The following PROC variants were observed in gnomAD, a reference collection of about 807,000 sequenced individuals.
PROC encodes the protein vitamin K-dependent protein C.
Under a neutral mutation model 36.3 loss-of-function variants are expected in PROC, and 22 were observed. The ratio of observed to expected loss-of-function variants is 0.61; its 90% CI spans 0.43 to 0.86. The LOEUF (loss-of-function observed/expected upper bound fraction) is 0.86, where lower values mean the gene tolerates loss of function less well. Among genes scored for constraint, PROC ranks in the 40% least tolerant of loss-of-function variants. The pLI, the probability that PROC is intolerant of heterozygous loss-of-function variation, is 0.00. For synonymous variants in PROC, 218 were observed against 244.5 expected (o/e 0.89, Z 1.01); for missense variants, 526 against 629.7 (o/e 0.84, Z 1.76).
In PROC at chr2:127,428,990, G is replaced by C; in HGVS notation, c.*44G>C. The C allele has an allele frequency of 6.3e-7, 1 of 1,598,014 alleles. No homozygotes were observed. The highest frequency in any genetic ancestry group is 1.7e-5 in the Admixed American group (1 of 59,968). ...TGGGCTTTTGCATGGCAATGGATGG[G>C]ACATTAAAGGGACATGTAACAAGCA... On this transcript the variant is annotated 3_prime_UTR_variant, in exon 9 of 9. Transcript: ENST00000234071.
chr2:127,425,029 A>G (rs1688392534), intron 6 of PROC, among the ~76,000 whole-genome samples: 1 of 152,212 alleles, frequency 6.6e-6, no homozygotes, highest in Non-Finnish European at 1.5e-5. Context: ...CGGGGCCTGA[A>G]GTCCCTAGTC....
rs1688068687 is a variant in PROC at position 127,421,183 on chromosome 2, T to C, written c.71-100T>C. 3 of 1,309,022 alleles carry C rather than the reference T, an allele frequency of 2.3e-6. No individual in the cohort carries two copies. In the Admixed American group the frequency reaches 5.3e-5, roughly 23 times the overall value. The allele number at this position is 1,309,022 out of a possible 1,614,324, so 81.1% of individuals were successfully genotyped here. A position where few individuals can be genotyped will look rare whatever the true frequency, so the allele number is the denominator to read the frequency against. ...GTCTTGAGGGGGCGGAGACAAGACCTTCCCAGGCTCTCCCAGCTCTGCTTC... is the reference window on the plus strand; with the variant it reads ...GTCTTGAGGGGGCGGAGACAAGACCCTCCCAGGCTCTCCCAGCTCTGCTTC... On this transcript the variant is annotated intron_variant, in intron 2 of 8. Transcript: ENST00000234071.
rs1156578125 is a variant in PROC at position 127,423,096 on chromosome 2, G to A, written c.325G>A (p.Gly109Ser). 1.9e-6 allele frequency: 3 copies of A among 1,611,134 alleles called. No homozygotes were observed. The highest frequency in any genetic ancestry group is 2.5e-6 in the Non-Finnish European group (3 of 1,179,028). ...HPCASLCCGH[G>S]TCIDGIGSFS... ...GTGCGCCAGCCTGTGCTGCGGGCAC[G>A]GCACGTGCATCGACGGCATCGGCAG... Residue 109 changes from glycine (G) to serine (S), a missense_variant, in exon 5 of 9, where the codon GGC becomes AGC. Transcript: ENST00000234071.
chr2:127,427,136 C>T lies in PROC; in HGVS notation c.710C>T (p.Ala237Val), dbSNP rs971849134. Reference sequence around the variant, plus strand: ...CTGCTGGACTCAAAGAAGAAGCTGGCCTGCGGGGCAGTGCTCATCCACCCC... The same window carrying T: ...CTGCTGGACTCAAAGAAGAAGCTGGTCTGCGGGGCAGTGCTCATCCACCCC... ...VVLLDSKKKL[A>V]CGAVLIHPSW... Residue 237 changes from alanine (A) to valine (V), a missense_variant, in exon 8 of 9, where the codon GCC becomes GTC. Physicochemically the swap from Ala to Val is moderately conservative, Grantham distance 64. Transcript: ENST00000234071. 3.7e-6 allele frequency: 6 copies of T among 1,613,914 alleles called. No individual in the cohort carries two copies. The highest frequency in any genetic ancestry group is 5.1e-6 in the Non-Finnish European group (6 of 1,179,992).
At chr2:127,421,030 C>T (rs756587995) in intron 2 of PROC, among the ~76,000 whole-genome samples, 8 of 152,162 alleles carry the variant, frequency 5.3e-5, no homozygotes, top group Non-Finnish European at 1.0e-4. Flanking sequence ...ACACAGAGAT[C>T]GGGGTGGGGT....
At chr2:127,420,184 G>T (rs569801215) in intron 2 of PROC, among the ~76,000 whole-genome samples, 172 bp downstream of exon 2, 29 of 152,222 alleles carry the variant, frequency 1.9e-4, no homozygotes, top group Non-Finnish European at 3.7e-4. Context: ...AGCTGCCAGA[G>T]TGCCACACAG....
intron 6 of PROC, among the ~76,000 whole-genome samples, chr2:127,425,757 T>C (rs1305978645): frequency 6.7e-6 from 1 of 149,304 alleles, no homozygotes; most frequent in Non-Finnish European, 1.5e-5. Flanking sequence ...GGGTTTGTAA[T>C]TTGTATCTCA....
In PROC at chr2:127,426,640, C is replaced by A; in HGVS notation, c.678+413C>A. On this transcript the variant is annotated intron_variant, in intron 7 of 8. Transcript: ENST00000234071. This position sits in a 1 kb window ranked among gnomAD's most constrained non-coding sequence, Gnocchi z 7.0. ...CTGCCAGGCATGGGGGAGATAGGAA[C>A]CAACAAGTGGGAGTATTTGCCCTGG... The A allele has an allele frequency of 3.0e-6, 1 of 332,244 alleles. No individual in the cohort carries two copies. Among genetic ancestry groups the A allele is most frequent in the Non-Finnish European group, 5.8e-6 (1 of 172,342 alleles). 20.6% of individuals were successfully genotyped at this position (332,244 alleles called of 1,614,324 possible).
At chr2:127,422,706 G>T (rs1486029127) in intron 3 of PROC, among the ~76,000 whole-genome samples, 1 of 149,978 alleles carries the variant, frequency 6.7e-6, no homozygotes, top group African/African-American at 2.4e-5. Context: ...AGGGACGTGG[G>T]ATGGAGGCTG....
At position 127,423,427 on chromosome 2, in the gene PROC, A is replaced by ATCGCCCAGGAATC. The variant is rs775959949; in HGVS notation, c.535+20_535+32dup. 6 of 1,545,286 alleles carry ATCGCCCAGGAATC rather than the reference A, an allele frequency of 3.9e-6. No homozygotes were observed. In the South Asian group the frequency reaches 7.2e-5, roughly 19 times the overall value. On this transcript the variant is annotated intron_variant, in intron 6 of 8. Transcript: ENST00000234071. ...CCCGCAGGTGAGAAGCCCCCAATAC[A>ATCGCCCAGGAATC]TCGCCCAGGAATCACGCTGGGTGCA...
chr2:127,428,935 TG>T lies in PROC; in HGVS notation c.1378del (p.Ala460HisfsTer45). The T allele has an allele frequency of 6.2e-7, 1 of 1,613,892 alleles. No homozygotes were observed. The highest frequency in any genetic ancestry group is 1.6e-4 in the Middle Eastern group (1 of 6,062). On this transcript the variant is annotated frameshift_variant, in exon 9 of 9. Coordinates refer to ENST00000234071, the MANE Select transcript of PROC (RefSeq NM_000312.4). LOFTEE classifies it high-confidence loss of function. ...AGACAAGGAAGCCCCCCAGAAGAGCTGGGCACCTTAGCGACCCTCCCTGCAG... is the reference window on the plus strand; with the variant it reads ...AGACAAGGAAGCCCCCCAGAAGAGCTGGCACCTTAGCGACCCTCCCTGCAG... Reference protein sequence around the residue: ...IRDKEAPQKSWAP With the variant: ...IRDKEAPQKSXAP
In PROC at chr2:127,426,969, A is replaced by G. The variant is rs948155542; in HGVS notation, c.679-136A>G. 2.6e-5 allele frequency: 21 copies of G among 805,832 alleles called. No individual in the cohort carries two copies. In the East Asian group the frequency reaches 2.7e-4, roughly 10 times the overall value. 49.9% of individuals were successfully genotyped at this position (805,832 alleles called of 1,614,324 possible). A position where few individuals can be genotyped will look rare whatever the true frequency, so the allele number is the denominator to read the frequency against. On this transcript the variant is annotated intron_variant, in intron 7 of 8. Transcript: ENST00000234071. This position sits in a 1 kb window ranked among gnomAD's most constrained non-coding sequence, Gnocchi z 7.0. ...CTGACACTGTAAAATGGGCAAAAAT[A>G]GAAAACGCCAGAAAGGGCCTAAGCC...
In PROC at chr2:127,423,338, G is replaced by A; in HGVS notation, c.465G>A (p.Val155=). ...GGCTHYCLEE[V]GWRRCSCAPG... ...GCACGCATTACTGCCTAGAGGAGGT[G>A]GGCTGGCGGCGCTGTAGCTGTGCGC... is the stretch of plus-strand genomic sequence containing the variant. The change falls in exon 6 of 9, where the codon GTG becomes GTA. Residue 155 remains valine, a synonymous_variant. Coordinates refer to ENST00000234071, the MANE Select transcript of PROC (RefSeq NM_000312.4). 1.3e-6 allele frequency: 2 copies of A among 1,550,388 alleles called. No homozygotes were observed. The highest frequency in any genetic ancestry group is 1.7e-6 in the Non-Finnish European group (2 of 1,147,162).
intron 6 of PROC, among the ~76,000 whole-genome samples, chr2:127,425,880 T>C (rs1276276260): frequency 6.6e-6 from 1 of 152,208 alleles, no homozygotes; most frequent in African/African-American, 2.4e-5. Flanking sequence ...TACCATTCAG[T>C]GGCACTGTTT....
rs1481591136 is a variant in PROC, at chr2:127,418,858, G to A, written c.-22+366G>A. ...CGGCAAGAATGGAGAGCAGGGTCCG[G>A]TAGGGTGTGCAGAGGGCCACGTGGC... On this transcript the variant is annotated intron_variant, in intron 1 of 8. Coordinates refer to ENST00000234071, the MANE Select transcript of PROC (RefSeq NM_000312.4). This position sits in a 1 kb window ranked among gnomAD's most constrained non-coding sequence, Gnocchi z 4.8. Among the ~76,000 whole-genome samples, 1 of 152,198 alleles carries A rather than the reference G, an allele frequency of 6.6e-6. No individual in the cohort carries two copies. Among genetic ancestry groups the A allele is most frequent in the Non-Finnish European group, 1.5e-5 (1 of 68,036 alleles).
chr2:127,418,545 C>CG lies in PROC; in HGVS notation c.-22+56dup, dbSNP rs1687895340. On this transcript the variant is annotated intron_variant, in intron 1 of 8. Coordinates refer to ENST00000234071, the MANE Select transcript of PROC (RefSeq NM_000312.4). The surrounding 1 kb of genome is among the most constrained non-coding windows in gnomAD (Gnocchi z 4.8). ...AGGGGTGTGGAGGGAGGGCTGCCCC[C>CG]GGGAGAAGAGAGCTAGGTGGTGATG... 3 of 1,273,676 alleles carry CG rather than the reference C, an allele frequency of 2.4e-6. No individual in the cohort carries two copies. The highest frequency in any genetic ancestry group is 4.6e-5 in the Admixed American group (2 of 43,490). The allele number at this position is 1,273,676 out of a possible 1,614,324, so 78.9% of individuals were successfully genotyped here.
chr2:127,419,810 C>T (rs377257834), intron 1 of PROC, 112 bp from the exon 2 acceptor site: 57 of 1,572,520 alleles, frequency 3.6e-5, no homozygotes, highest in South Asian at 1.3e-4. Flanking sequence ...TCCCAGCTTC[C>T]GCCCTGACGG....
In PROC at chr2:127,426,727, A is replaced by G. The variant is rs1688526076; in HGVS notation, c.679-378A>G. On this transcript the variant is annotated intron_variant, in intron 7 of 8. Coordinates refer to ENST00000234071, the MANE Select transcript of PROC (RefSeq NM_000312.4). The surrounding 1 kb of genome is among the most constrained non-coding windows in gnomAD (Gnocchi z 7.0). Reference sequence around the variant, plus strand: ...CCGGCAGCCCAGTGGGACCACAGCCAGGACGGCCCTTCAAGATAGGGGCTG... The same window carrying G: ...CCGGCAGCCCAGTGGGACCACAGCCGGGACGGCCCTTCAAGATAGGGGCTG... Among the ~76,000 whole-genome samples, 1 of 152,174 alleles carries G rather than the reference A, an allele frequency of 6.6e-6. No individual in the cohort carries two copies. The highest frequency in any genetic ancestry group is 6.5e-5 in the Admixed American group (1 of 15,284).
In PROC at chr2:127,426,209, G is replaced by A. The variant is rs1688487502; in HGVS notation, c.660G>A (p.Arg220=). 17 of 1,613,960 alleles carry A rather than the reference G, an allele frequency of 1.1e-5. No individual in the cohort carries two copies. The highest frequency in any genetic ancestry group is 1.7e-5 in the Admixed American group (1 of 60,006). ...PRLIDGKMTR[R]GDSPWQVVLL... is the part of the protein sequence containing the mutation. ...TCATTGATGGGAAGATGACCAGGCGGGGAGACAGCCCCTGGCAGGTGGGAG... is the reference window on the plus strand; with the variant it reads ...TCATTGATGGGAAGATGACCAGGCGAGGAGACAGCCCCTGGCAGGTGGGAG... The change falls in exon 7 of 9, where the codon CGG becomes CGA. Residue 220 remains arginine (R), a synonymous_variant. Coordinates refer to ENST00000234071, the MANE Select transcript of PROC (RefSeq NM_000312.4). The surrounding 1 kb of genome is among the most constrained non-coding windows in gnomAD (Gnocchi z 7.0).
Sources: gnomAD v4.1 joint callset for allele counts (sites outside exome capture counted in the v4.1 genomes callset) on GRCh38, gnomAD v4.1.1 for gene constraint, Gnocchi (gnomAD v3.1) non-coding constraint, MANE v1.5 for transcripts, NCBI Gene and HGNC (gene_info 2026-07-23, HGNC 2026-07-21) for gene names.